Variants in KLRD1 observed in about 807,000 individuals in gnomAD.
KLRD1 encodes natural killer cells antigen CD94.
In KLRD1, 21 loss-of-function variants were observed where a neutral mutation model predicts 22.6. The observed-to-expected ratio is 0.93, with a 90% CI of 0.66 to 1.34. The LOEUF is 1.34. KLRD1 is among the 40% of genes most tolerant of loss of function. The probability of loss-of-function intolerance (pLI) is 0.00; values close to 1 mark genes in which losing one functional copy is unlikely to be tolerated. For missense variants in KLRD1, 183 were observed against 208.6 expected, an observed-to-expected ratio of 0.88 and a Z score of 0.76; for synonymous variants, 59 against 71.1, an observed-to-expected ratio of 0.83 and a Z score of 0.85.
chr12:10,293,988 T>A (rs1949800150), intron 1 of KLRD1, among the ~76,000 whole-genome samples: 1 of 152,248 alleles, frequency 6.6e-6, no homozygotes, highest in Non-Finnish European at 1.5e-5. Flanking sequence ...CTCACTTTCC[T>A]TTTCTTCTTA....
At chr12:10,256,448 G>T (rs1189275478) in intron 1 of KLRD1, among the ~76,000 whole-genome samples, 1 of 67,358 alleles carries the variant, frequency 1.5e-5, no homozygotes, top group African/African-American at 3.9e-5. Flanking sequence ...TTTTTGTAGA[G>T]ACACATTTTC....
chr12:10,242,071 GTTTTTTT>G (rs72326980), intron 1 of KLRD1, among the ~76,000 whole-genome samples: 1 of 99,396 alleles, frequency 1.0e-5, no homozygotes, highest in Non-Finnish European at 1.9e-5. Context: ...TGTTCTTGCT[GTTTTTTT>G]TTTTTTTTTT....
chr12:10,247,939 T>A (rs946902596), intron 1 of KLRD1, among the ~76,000 whole-genome samples: 5 of 152,186 alleles, frequency 3.3e-5, no homozygotes, highest in African/African-American at 1.2e-4. Context: ...CTCGAGTATG[T>A]CCCTATAGCA....
Position 10,319,574 on chromosome 12 carries a change from G to A in KLRD1, c.*4781G>A, listed in dbSNP as rs1416125940. The A allele has an allele frequency of 6.6e-6, 1 of 152,144 alleles. No homozygotes were observed. Among genetic ancestry groups the A allele is most frequent in the East Asian group, 1.9e-4 (1 of 5,196 alleles). The allele number at this position is 152,144 out of a possible 1,614,324, so 9.4% of individuals were successfully genotyped here. A position where few individuals can be genotyped will look rare whatever the true frequency, so the allele number is the denominator to read the frequency against. On this transcript the variant is annotated 3_prime_UTR_variant, in exon 6 of 6. Coordinates refer to ENST00000336164, the MANE Select transcript of KLRD1 (RefSeq NM_002262.5). Reference sequence around the variant, plus strand: ...CCTCTCTCCCAGATTACTTGATCTGGGGAAAACCAGTTATAATGTCATGAG... The same window carrying A: ...CCTCTCTCCCAGATTACTTGATCTGAGGAAAACCAGTTATAATGTCATGAG...
chr12:10,286,060 C>T (rs1277216000), intron 1 of KLRD1, among the ~76,000 whole-genome samples: 1 of 152,170 alleles, frequency 6.6e-6, no homozygotes, highest in African/African-American at 2.4e-5. Flanking sequence ...CATTACCCAT[C>T]CACTTTATCC....
chr12:10,243,628 A>AC (rs1355164647), intron 1 of KLRD1, among the ~76,000 whole-genome samples: 2 of 150,330 alleles, frequency 1.3e-5, no homozygotes, highest in African/African-American at 4.9e-5. Flanking sequence ...AAAAAAAAAA[A>AC]AAAAACCGAA....
At chr12:10,246,713 C>T (rs1949294368) in intron 1 of KLRD1, among the ~76,000 whole-genome samples, 1 of 152,004 alleles carries the variant, frequency 6.6e-6, no homozygotes, top group Non-Finnish European at 1.5e-5. Context: ...TCAAATCATT[C>T]CTATAATGTG....
upstream of KLRD1, among the ~76,000 whole-genome samples, chr12:10,303,540 T>C (rs914311502): frequency 2.0e-5 from 3 of 152,188 alleles, no homozygotes; most frequent in African/African-American, 7.2e-5. Flanking sequence ...ATTTTACTAA[T>C]ATAGATTTCC....
chr12:10,300,318 G>A (rs1949856289), upstream of KLRD1, among the ~76,000 whole-genome samples: 1 of 152,182 alleles, frequency 6.6e-6, no homozygotes, highest in African/African-American at 2.4e-5. Context: ...CAATTCAAGG[G>A]CTGAAGAATG....
intron 1 of KLRD1, among the ~76,000 whole-genome samples, chr12:10,291,417 A>G (rs1338830502): frequency 6.6e-6 from 1 of 152,174 alleles, no homozygotes; most frequent in Admixed American, 6.5e-5. Context: ...ATTGGAATCA[A>G]TCCTTTCAGA....
chr12:10,268,968 T>C (rs1431073823), intron 1 of KLRD1, among the ~76,000 whole-genome samples: 1 of 152,182 alleles, frequency 6.6e-6, no homozygotes, highest in Admixed American at 6.5e-5. Context: ...TTTTGTTTTC[T>C]TTTTGTTTTT....
chr12:10,293,166 A>ATATATATATATATATATG, intron 1 of KLRD1, among the ~76,000 whole-genome samples: 1 of 120,946 alleles, frequency 8.3e-6, no homozygotes, highest in East Asian at 2.3e-4. Context: ...CCATATATAT[A>ATATATATATATATATATG]TACACATATA....
intron 1 of KLRD1, among the ~76,000 whole-genome samples, chr12:10,274,297 T>G (rs183941677): frequency 1.0e-3 from 155 of 152,134 alleles, no homozygotes; most frequent in Middle Eastern, 3.4e-3. Flanking sequence ...AATTTTTTTT[T>G]AAATGTTACA....
upstream of KLRD1, among the ~76,000 whole-genome samples, chr12:10,306,224 G>A (rs1949925238): frequency 6.6e-6 from 1 of 151,906 alleles, no homozygotes; most frequent in Non-Finnish European, 1.5e-5. Context: ...CTCAGAAAGA[G>A]TTAAAGAGGT....
intron 4 of KLRD1, 105 bp from the exon 5 acceptor site, chr12:10,313,305 A>G (rs1295508701): frequency 1.8e-6 from 1 of 565,976 alleles, no homozygotes; most frequent in Non-Finnish European, 3.1e-6. Flanking sequence ...CGTTTGTGTG[A>G]TGGACAGGCT....
At chr12:10,254,831 T>G (rs1291056288) in intron 1 of KLRD1, among the ~76,000 whole-genome samples, 1 of 150,692 alleles carries the variant, frequency 6.6e-6, no homozygotes, top group African/African-American at 2.4e-5. Context: ...AGGCGGAGAT[T>G]GCAGTGAGCT....
upstream of KLRD1, among the ~76,000 whole-genome samples, chr12:10,305,204 T>C (rs1414673951): frequency 6.6e-6 from 1 of 152,176 alleles, no homozygotes; most frequent in African/African-American, 2.4e-5. Flanking sequence ...CACTAGTAAA[T>C]TGCAGGGGAG....
intron 1 of KLRD1, among the ~76,000 whole-genome samples, chr12:10,297,571 C>T (rs964070712): frequency 3.9e-5 from 6 of 151,992 alleles, no homozygotes; most frequent in East Asian, 1.9e-4. Flanking sequence ...CATTTTCCCC[C>T]GAGCCCGGTT....
At chr12:10,259,659 T>G (rs1469595349) in intron 1 of KLRD1, among the ~76,000 whole-genome samples, 1 of 152,196 alleles carries the variant, frequency 6.6e-6, no homozygotes, top group Non-Finnish European at 1.5e-5. Flanking sequence ...CTGAGATCAT[T>G]TTCTTAAACC....
Sources: allele counts gnomAD v4.1 joint callset (sites outside exome capture counted in the v4.1 genomes callset), GRCh38; gene constraint gnomAD v4.1.1; transcripts MANE v1.5; gene names NCBI Gene and HGNC (gene_info 2026-07-23, HGNC 2026-07-21).